WDR49: variants seen among roughly 807,000 people sequenced by gnomAD.
WDR49 encodes cilia- and flagella-associated protein 337.
WDR49 carries 107 observed loss-of-function variants against 119.5 expected under a neutral mutation model. The observed-to-expected ratio is 0.90, with a 90% CI of 0.77 to 1.05. The LOEUF is 1.05. WDR49 is among the 50% of genes least tolerant of loss of function. WDR49 has a pLI of 0.00. For missense variants in WDR49, 1,240 were observed against 1,220.5 expected, an observed-to-expected ratio of 1.02 and a Z score of -0.24; for synonymous variants, 425 against 418.8, an observed-to-expected ratio of 1.01 and a Z score of -0.18.
intron 7 of WDR49, among the ~76,000 whole-genome samples, chr3:167,586,519 T>C (rs1714823323): frequency 6.6e-6 from 1 of 152,234 alleles, no homozygotes; most frequent in South Asian, 2.1e-4. Flanking sequence ...TGTCTATAGA[T>C]CTTCTAATTC....
intron 8 of WDR49, among the ~76,000 whole-genome samples, chr3:167,570,372 C>G (rs1318364123): frequency 6.6e-6 from 1 of 152,094 alleles, no homozygotes; most frequent in African/African-American, 2.4e-5. Flanking sequence ...CCCAAATACC[C>G]TCAATTTCCA....
Position 167,479,429 on chromosome 3 carries a change from G to A in WDR49, c.3032-433C>T, listed in dbSNP as rs1422075792. Among the ~76,000 whole-genome samples the A allele has an allele frequency of 3.9e-5, 6 of 152,224 alleles. No homozygotes were observed. In the East Asian group the frequency reaches 1.2e-3, roughly 29 times the overall value. On this transcript the variant is annotated intron_variant, in intron 18 of 18. Coordinates refer to ENST00000682715, the MANE Select transcript of WDR49 (RefSeq NM_001366157.1). ...CGCATCTATAATCACGTCCATAGGG[G>A]TTTGCAGTTTTAGGAAAAAAAAGAA...
chr3:167,650,435 C>T (rs577624083), intron 2 of WDR49, among the ~76,000 whole-genome samples: 2 of 152,284 alleles, frequency 1.3e-5, no homozygotes, highest in Admixed American at 6.5e-5. Context: ...GACACCATCA[C>T]TTAAAGGAAA....
intron 2 of WDR49, among the ~76,000 whole-genome samples, chr3:167,628,461 G>T (rs1717228059): frequency 6.6e-6 from 1 of 152,100 alleles, no homozygotes; most frequent in African/African-American, 2.4e-5. Flanking sequence ...TACTGCTGCT[G>T]TGAAGAAAGT....
At chr3:167,602,808 G>A (rs1715846171) in intron 6 of WDR49, among the ~76,000 whole-genome samples, 1 of 152,144 alleles carries the variant, frequency 6.6e-6, no homozygotes, top group Non-Finnish European at 1.5e-5. Flanking sequence ...ATGGTCCCAT[G>A]AGACTATAAT....
At chr3:167,503,618 G>A (rs550354257) in intron 17 of WDR49, among the ~76,000 whole-genome samples, 3 of 152,138 alleles carry the variant, frequency 2.0e-5, no homozygotes, top group South Asian at 2.1e-4. Context: ...TAGCCCGATC[G>A]GGAGCAGCAA....
At chr3:167,554,970 C>G (rs974214275) in intron 9 of WDR49, among the ~76,000 whole-genome samples, 172 bp from the exon 10 acceptor site, 4 of 152,022 alleles carry the variant, frequency 2.6e-5, no homozygotes, top group Non-Finnish European at 5.9e-5. Context: ...GTCTTCATCC[C>G]CATTTCTCGG....
intron 7 of WDR49, among the ~76,000 whole-genome samples, chr3:167,577,129 A>G (rs1196930948): frequency 1.3e-5 from 2 of 152,154 alleles, no homozygotes; most frequent in Non-Finnish European, 2.9e-5. Context: ...CTTGCTCAAG[A>G]AATAGGTTGC....
At chr3:167,640,859 G>A (rs1025874996) in intron 2 of WDR49, among the ~76,000 whole-genome samples, 3 of 151,788 alleles carry the variant, frequency 2.0e-5, no homozygotes, top group Admixed American at 1.3e-4. Context: ...GTAATAAAGT[G>A]CCATCGAGAA....
intron 14 of WDR49, among the ~76,000 whole-genome samples, chr3:167,528,317 G>A (rs973634635): frequency 3.0e-4 from 46 of 151,722 alleles, no homozygotes; most frequent in African/African-American, 1.1e-3. Context: ...ACATACAGGT[G>A]GTCACATATA....
chr3:167,657,534 T>TC (rs199993551), upstream of WDR49, among the ~76,000 whole-genome samples: 2,832 of 140,788 alleles, frequency 0.02, 78 homozygotes, highest in African/African-American at 0.068. Context: ...CCCATTCTCC[T>TC]CCCCCCCCAC....
At chr3:167,529,355 G>A (rs895721161) in intron 13 of WDR49, 116 bp from the exon 14 acceptor site, 23 of 857,414 alleles carry the variant, frequency 2.7e-5, no homozygotes, top group Non-Finnish European at 3.8e-5. Context: ...GTAGCCCTGA[G>A]ATCAATTCCC....
At chr3:167,494,993 AG>A (rs1229864133) in intron 18 of WDR49, among the ~76,000 whole-genome samples, 5 of 152,188 alleles carry the variant, frequency 3.3e-5, no homozygotes, top group African/African-American at 1.2e-4. Flanking sequence ...TAAGGTCATC[AG>A]TGTCTCATTC....
intron 10 of WDR49, among the ~76,000 whole-genome samples, chr3:167,540,097 T>C (rs1195828413): frequency 6.6e-6 from 1 of 152,102 alleles, no homozygotes; most frequent in Non-Finnish European, 1.5e-5. Context: ...CTCAGGACAT[T>C]ACAGCAACTC....
At chr3:167,619,789 T>C (rs1373222458) in intron 5 of WDR49, among the ~76,000 whole-genome samples, 1 of 152,164 alleles carries the variant, frequency 6.6e-6, no homozygotes, top group Non-Finnish European at 1.5e-5. Context: ...AGTGCAGATA[T>C]TGCACATCTG....
At chr3:167,526,756 C>A (rs1182080137) in intron 15 of WDR49, among the ~76,000 whole-genome samples, 1 of 152,148 alleles carries the variant, frequency 6.6e-6, no homozygotes, top group Non-Finnish European at 1.5e-5. Flanking sequence ...AGAATTCTTT[C>A]CACACAGGTT....
At chr3:167,649,834 G>A (rs939766193) in intron 2 of WDR49, among the ~76,000 whole-genome samples, 2 of 152,174 alleles carry the variant, frequency 1.3e-5, no homozygotes, top group Non-Finnish European at 2.9e-5. Context: ...TTGGGCAAAT[G>A]ATAGCATGGA....
intron 10 of WDR49, among the ~76,000 whole-genome samples, chr3:167,546,838 G>T (rs1712234238): frequency 6.6e-6 from 1 of 151,806 alleles, no homozygotes. Flanking sequence ...TCCCTCAGAA[G>T]TTAATTGTTG....
At chr3:167,488,684 T>A (rs979290437) in intron 18 of WDR49, among the ~76,000 whole-genome samples, 1 of 152,060 alleles carries the variant, frequency 6.6e-6, no homozygotes, top group Non-Finnish European at 1.5e-5. Context: ...TTGCTCAGAT[T>A]AGTGAGAAAC....
Sources: gnomAD v4.1 joint callset for allele counts (sites outside exome capture counted in the v4.1 genomes callset) on GRCh38, gnomAD v4.1.1 for gene constraint, MANE v1.5 for transcripts, NCBI Gene and HGNC (gene_info 2026-07-23, HGNC 2026-07-21) for gene names.